The following OCIAD1 variants were observed in gnomAD, a reference collection of about 807,000 sequenced individuals.
The protein encoded by OCIAD1 is OCIA domain containing 1, also known as OCIA domain-containing protein 1.
A neutral mutation model predicts 38.9 loss-of-function variants in OCIAD1; 29 were observed. The ratio of observed to expected loss-of-function variants is 0.74; its 90% CI spans 0.55 to 1.02. OCIAD1 has a LOEUF of 1.02. OCIAD1 is among the 50% of genes least tolerant of loss of function. The pLI is 0.00. For missense variants in OCIAD1, 288 were observed against 289.6 expected (o/e 0.99, Z 0.04); for synonymous variants, 110 against 92.0 (o/e 1.20, Z -1.12).
chr4:48,818,997 C>T (rs946549079), intron 1 of OCIAD1, among the ~76,000 whole-genome samples: 2 of 152,084 alleles, frequency 1.3e-5, no homozygotes, highest in African/African-American at 4.8e-5. Context: ...TTGAAGAATA[C>T]ACTTCAGGGT....
intron 1 of OCIAD1, among the ~76,000 whole-genome samples, chr4:48,809,903 TAACTA>T (rs1408795838): frequency 6.6e-6 from 1 of 152,180 alleles, no homozygotes; most frequent in African/African-American, 2.4e-5. Context: ...CTTAAGTACT[TAACTA>T]TATGAGTTCC....
At position 48,825,919 on chromosome 4, in the gene OCIAD1, C is replaced by T. The variant is rs1296353023; in HGVS notation, c.-102-4658C>T. On this transcript the variant is annotated intron_variant, in intron 1 of 6. Transcript: ENST00000504654. ...GTAGTACAATCTTGGCTCACTGCAA[C>T]CTCCACCTCCTGGGTTCAAGCAATT... Among the ~76,000 whole-genome samples, 10 of 152,138 alleles carry T rather than the reference C, an allele frequency of 6.6e-5. No individual in the cohort carries two copies. The East Asian group carries it at 1.9e-3, about 29-fold the overall frequency.
At chr4:48,822,174 A>G (rs1233022431) in intron 1 of OCIAD1, among the ~76,000 whole-genome samples, 1 of 152,234 alleles carries the variant, frequency 6.6e-6, no homozygotes, top group East Asian at 1.9e-4. Flanking sequence ...CCAAAACAGC[A>G]TGGTACTGGT....
At chr4:48,847,208 C>T (rs1215515026) in intron 4 of OCIAD1, among the ~76,000 whole-genome samples, 1 of 152,118 alleles carries the variant, frequency 6.6e-6, no homozygotes, top group Admixed American at 6.5e-5. Flanking sequence ...AAGTTGAAGA[C>T]CTTTCCATTT....
chr4:48,835,125 G>C (rs1777867856), intron 3 of OCIAD1, among the ~76,000 whole-genome samples: 3 of 152,056 alleles, frequency 2.0e-5, no homozygotes, highest in Non-Finnish European at 2.9e-5. Context: ...GTAGAGACTG[G>C]GTTTCACTAT....
chr4:48,846,418 T>C (rs925322916), intron 4 of OCIAD1, among the ~76,000 whole-genome samples: 27 of 152,176 alleles, frequency 1.8e-4, no homozygotes, highest in Non-Finnish European at 2.9e-4. Flanking sequence ...GAATTGGTTG[T>C]TAAATTTTCG....
Position 48,840,276 on chromosome 4 carries a change from T to C in OCIAD1, c.140-2360T>C, listed in dbSNP as rs149436120. The stretch of plus-strand genomic sequence containing the variant: ...TAACTCATTGCCTTTTATTCTTATA[T>C]GATTCTTCAGTGCTTCATGTTGCAA... On this transcript the variant is annotated intron_variant, in intron 3 of 8. Coordinates refer to ENST00000264312, the MANE Select transcript of OCIAD1 (RefSeq NM_017830.4). Among the ~76,000 whole-genome samples the C allele has an allele frequency of 3.3e-4, 50 of 152,370 alleles. No individual in the cohort carries two copies. The East Asian group carries it at 9.0e-3, about 28-fold the overall frequency.
intron 8 of OCIAD1, among the ~76,000 whole-genome samples, chr4:48,859,360 A>C (rs1301860409): frequency 6.6e-6 from 1 of 152,118 alleles, no homozygotes; most frequent in Admixed American, 6.6e-5. Flanking sequence ...TTGTCCTGCT[A>C]ATTAATTTGA....
intron 1 of OCIAD1, among the ~76,000 whole-genome samples, chr4:48,818,358 A>T (rs986222638): frequency 6.6e-6 from 1 of 152,248 alleles, no homozygotes; most frequent in African/African-American, 2.4e-5. Flanking sequence ...AAACTAACGA[A>T]CAGAAAGCCA....
At chr4:48,858,015 A>T (rs1356597271) in intron 8 of OCIAD1, among the ~76,000 whole-genome samples, 5 of 151,716 alleles carry the variant, frequency 3.3e-5, no homozygotes, top group African/African-American at 1.2e-4. Flanking sequence ...TCAGCTGGGC[A>T]TGGTGGTGCA....
At position 48,850,024 on chromosome 4, in the gene OCIAD1, A is replaced by T; in HGVS notation, c.319A>T (p.Asn107Tyr). 6.2e-7 allele frequency: 1 copy of T among 1,613,620 alleles called. No homozygotes were observed. ...TCQEKFKKLE[N>Y]SPLGEALRSG... Reference sequence around the variant, plus strand: ...CCAAGAGAAATTCAAGAAACTTGAAAATTCCCCCCTTGGAGAAGCTTTACG... The same window carrying T: ...CCAAGAGAAATTCAAGAAACTTGAATATTCCCCCCTTGGAGAAGCTTTACG... The change falls in exon 6 of 9, where the codon AAT becomes TAT. Residue 107 changes from asparagine (N) to tyrosine (Y), a missense_variant. Coordinates refer to ENST00000264312, the MANE Select transcript of OCIAD1 (RefSeq NM_017830.4).
intron 4 of OCIAD1, among the ~76,000 whole-genome samples, chr4:48,847,237 CAT>C (rs1779053359): frequency 1.3e-5 from 2 of 152,154 alleles, no homozygotes. Flanking sequence ...TTCATTTCAG[CAT>C]ATCTTTTTCT....
chr4:48,827,460 T>C (rs1487594195), upstream of OCIAD1, among the ~76,000 whole-genome samples: 1 of 152,228 alleles, frequency 6.6e-6, no homozygotes, highest in South Asian at 2.1e-4. Context: ...TAGTCTGAGT[T>C]GGCTAATAAA....
chr4:48,807,914 C>G (rs1777045130), intron 1 of OCIAD1, among the ~76,000 whole-genome samples: 1 of 152,176 alleles, frequency 6.6e-6, no homozygotes, highest in African/African-American at 2.4e-5. Flanking sequence ...CGGATGTTTT[C>G]CTGAGCCCCA....
chr4:48,839,877 T>C (rs139666392), intron 3 of OCIAD1, among the ~76,000 whole-genome samples: 2 of 152,310 alleles, frequency 1.3e-5, no homozygotes, highest in African/African-American at 4.8e-5. Context: ...TATTACATAC[T>C]GTAGTGGAAA....
chr4:48,809,387 G>A (rs543630968), intron 1 of OCIAD1, among the ~76,000 whole-genome samples: 11 of 152,128 alleles, frequency 7.2e-5, no homozygotes, highest in East Asian at 1.9e-4. Context: ...AACTGGGAGC[G>A]GTGGTGGGCG....
At chr4:48,812,740 A>C (rs1018799209) in intron 1 of OCIAD1, among the ~76,000 whole-genome samples, 2 of 152,204 alleles carry the variant, frequency 1.3e-5, no homozygotes, top group African/African-American at 4.8e-5. Flanking sequence ...GGAAGTAGAG[A>C]TAATTCTTTC....
At chr4:48,810,041 A>G (rs1334162509) in intron 1 of OCIAD1, among the ~76,000 whole-genome samples, 3 of 152,030 alleles carry the variant, frequency 2.0e-5, no homozygotes, top group African/African-American at 7.3e-5. Flanking sequence ...AATAGTATCC[A>G]CCTCTTATTT....
intron 1 of OCIAD1, among the ~76,000 whole-genome samples, chr4:48,812,305 A>G (rs1469340098): frequency 2.0e-5 from 3 of 147,844 alleles, no homozygotes; most frequent in Non-Finnish European, 4.5e-5. Flanking sequence ...AAAAAAAAAA[A>G]AAAAAAAAAA....
Sources: gnomAD v4.1 joint callset for allele counts (sites outside exome capture counted in the v4.1 genomes callset) on GRCh38, gnomAD v4.1.1 for gene constraint, MANE v1.5 for transcripts, NCBI Gene and HGNC (gene_info 2026-07-23, HGNC 2026-07-21) for gene names.